The following FUBP3 variants were observed in gnomAD, a reference collection of about 807,000 sequenced individuals.
FUBP3 encodes far upstream element-binding protein 3.
FUBP3 carries 28 observed loss-of-function variants against 85.6 expected under a neutral mutation model. The observed-to-expected ratio is 0.33, with a 90% CI of 0.24 to 0.45. FUBP3 has a LOEUF of 0.45. Ranked by LOEUF, FUBP3 falls within the 20% of genes least tolerant of loss-of-function variation. The pLI is 1.00. For missense variants in FUBP3, 583 were observed against 755.1 expected (o/e 0.77, Z 2.67); for synonymous variants, 271 against 271.4 (o/e 1.00, Z 0.01).
intron 11 of FUBP3, among the ~76,000 whole-genome samples, chr9:130,624,563 G>A (rs951576234): frequency 5.5e-4 from 83 of 151,888 alleles, no homozygotes; most frequent in African/African-American, 2.0e-3. Context: ...AGCATTGAAT[G>A]CAGCCCAACA....
intron 2 of FUBP3, among the ~76,000 whole-genome samples, chr9:130,607,325 CT>C (rs1361362290): frequency 6.6e-6 from 1 of 150,914 alleles, no homozygotes; most frequent in Admixed American, 6.6e-5. Flanking sequence ...CAGAGTATTA[CT>C]CTTCAGAAAG....
At position 130,616,310 on chromosome 9, in the gene FUBP3, C is replaced by G; in HGVS notation, c.405-45C>G. The G allele has an allele frequency of 1.9e-6, 3 of 1,595,364 alleles. No homozygotes were observed. The highest frequency in any genetic ancestry group is 2.6e-6 in the Non-Finnish European group (3 of 1,163,974). On this transcript the variant is annotated intron_variant, in intron 6 of 18. Coordinates refer to ENST00000319725, the MANE Select transcript of FUBP3 (RefSeq NM_003934.2). The surrounding 1 kb of genome is among the most constrained non-coding windows in gnomAD (Gnocchi z 4.7). ...TTTCCCTGTCTTGCACACTTAGAGC[C>G]TCCATTTAATGCTGGTTCTCTTGTG...
chr9:130,589,693 ATATATATATATATTTTTTTT>A (rs1564190873), intron 1 of FUBP3, among the ~76,000 whole-genome samples: 4 of 29,830 alleles, frequency 1.3e-4, no homozygotes, highest in Admixed American at 4.8e-4. Context: ...ATATATATAT[ATATATATATATATTTTTTTT>A]TTTTTTTTTT....
chr9:130,604,846 C>T (rs932212780), intron 2 of FUBP3, among the ~76,000 whole-genome samples: 16 of 150,780 alleles, frequency 1.1e-4, no homozygotes, highest in Non-Finnish European at 2.1e-4. Context: ...TGCAGTGAGC[C>T]GAGATCGTGC....
chr9:130,633,998 G>T (rs1335903168), intron 16 of FUBP3, among the ~76,000 whole-genome samples: 1 of 152,094 alleles, frequency 6.6e-6, no homozygotes, highest in Non-Finnish European at 1.5e-5. Context: ...GAGAGGTCCT[G>T]ACCCGCCACT....
At position 130,623,651 on chromosome 9, in the gene FUBP3, C is replaced by A; in HGVS notation, c.915C>A (p.Gly305=). Residue 305 remains glycine, a synonymous_variant, in exon 11 of 19, where the codon GGC becomes GGA. Coordinates refer to ENST00000319725, the MANE Select transcript of FUBP3 (RefSeq NM_003934.2). ...CAGAAAGAGCTGCCCAGGTCATGGGCCCTCCGGATCGGTGTCAGCATGCAG... is the reference window on the plus strand; with the variant it reads ...CAGAAAGAGCTGCCCAGGTCATGGGACCTCCGGATCGGTGTCAGCATGCAG... ...ISPERAAQVM[G]PPDRCQHAAH... is the part of the protein sequence containing the mutation. 6.2e-7 allele frequency: 1 copy of A among 1,613,874 alleles called. No homozygotes were observed. Among genetic ancestry groups the A allele is most frequent in the Non-Finnish European group, 8.5e-7 (1 of 1,179,842 alleles).
Position 130,623,061 on chromosome 9 carries a change from A to G in FUBP3, c.874+251A>G, listed in dbSNP as rs556701035. Among the ~76,000 whole-genome samples, 6 of 152,088 alleles carry G rather than the reference A, an allele frequency of 3.9e-5. No homozygotes were observed. The South Asian group carries it at 6.2e-4, about 16-fold the overall frequency. ...CTTTTTTCTTTTTTCTTCCTGGAGTATATGCATAGTATGTCATAAATGCAT... is the reference window on the plus strand; with the variant it reads ...CTTTTTTCTTTTTTCTTCCTGGAGTGTATGCATAGTATGTCATAAATGCAT... On this transcript the variant is annotated intron_variant, in intron 10 of 18. Coordinates refer to ENST00000319725, the MANE Select transcript of FUBP3 (RefSeq NM_003934.2).
intron 9 of FUBP3, 64 bp downstream of exon 9, chr9:130,620,522 T>C (rs1187710415): frequency 1.3e-6 from 1 of 776,896 alleles, no homozygotes; most frequent in Non-Finnish European, 2.1e-6. Flanking sequence ...GTCACACTTT[T>C]GTTAGCTCTT....
chr9:130,625,259 G>A (rs1829924117), intron 11 of FUBP3, among the ~76,000 whole-genome samples: 1 of 152,234 alleles, frequency 6.6e-6, no homozygotes, highest in Non-Finnish European at 1.5e-5. Flanking sequence ...ATGTTTGGGA[G>A]AAAACCTTTT....
chr9:130,599,377 G>A (rs76644522), intron 2 of FUBP3, among the ~76,000 whole-genome samples: 3 of 123,094 alleles, frequency 2.4e-5, no homozygotes, highest in Non-Finnish European at 5.4e-5. Context: ...GTGTGTGTGT[G>A]TGTGTGTATA....
chr9:130,631,574 A>T lies in FUBP3; in HGVS notation c.1296A>T (p.Ala432=). Reference sequence around the variant, plus strand: ...CCCCACAGGGGACCAATCTCGGAGCACCTGGAGCCTTCGGACAGAGTCCAT... The same window carrying T: ...CCCCACAGGGGACCAATCTCGGAGCTCCTGGAGCCTTCGGACAGAGTCCAT... ...DEKVGGTNLG[A]PGAFGQSPFS... Residue 432 remains alanine, a synonymous_variant, in exon 14 of 19, where the codon GCA becomes GCT. Transcript: ENST00000319725. 1 of 1,613,986 alleles carries T rather than the reference A, an allele frequency of 6.2e-7. No individual in the cohort carries two copies. The highest frequency in any genetic ancestry group is 8.5e-7 in the Non-Finnish European group (1 of 1,179,854).
intron 2 of FUBP3, 100 bp downstream of exon 2, chr9:130,595,688 C>T (rs1020067503): frequency 2.6e-6 from 2 of 759,250 alleles, no homozygotes; most frequent in Admixed American, 3.5e-5. Context: ...TGAAGTGTCA[C>T]TCTGTTGAGA....
At chr9:130,627,669 T>C (rs955883003) in intron 12 of FUBP3, among the ~76,000 whole-genome samples, 1 of 152,224 alleles carries the variant, frequency 6.6e-6, no homozygotes, top group African/African-American at 2.4e-5. Context: ...TTGGGGATAT[T>C]GCAGGCTGCA....
intron 2 of FUBP3, among the ~76,000 whole-genome samples, chr9:130,600,978 A>G (rs1391620918): frequency 1.3e-5 from 2 of 152,122 alleles, no homozygotes; most frequent in Non-Finnish European, 2.9e-5. Flanking sequence ...AGAACAAACA[A>G]AAATAAATTT....
In FUBP3 at chr9:130,637,328, T is replaced by G; in HGVS notation, c.*306T>G. On this transcript the variant is annotated 3_prime_UTR_variant, in exon 19 of 19. Coordinates refer to ENST00000319725, the MANE Select transcript of FUBP3 (RefSeq NM_003934.2). ...GAGCTGTGACATTTCAACATGATGG[T>G]TTTGGTTTGGTTTGGTTTTGTGTCC... The G allele has an allele frequency of 5.5e-6, 2 of 366,782 alleles. No individual in the cohort carries two copies. Among genetic ancestry groups the G allele is most frequent in the East Asian group, 4.9e-5 (1 of 20,206 alleles). The allele number at this position is 366,782 out of a possible 1,614,324, so 22.7% of individuals were successfully genotyped here. A position where few individuals can be genotyped will look rare whatever the true frequency, so the allele number is the denominator to read the frequency against.
At chr9:130,622,369 C>T (rs1009633919) in intron 9 of FUBP3, among the ~76,000 whole-genome samples, 4 of 148,130 alleles carry the variant, frequency 2.7e-5, no homozygotes, top group Middle Eastern at 3.8e-3. Context: ...CAGTGGCTCA[C>T]GCCTGTAATC....
chr9:130,606,784 C>A (rs1188627307), intron 2 of FUBP3, among the ~76,000 whole-genome samples: 2 of 151,672 alleles, frequency 1.3e-5, no homozygotes, highest in Non-Finnish European at 2.9e-5. Context: ...CACGCCTTTG[C>A]ACTCCAGCCT....
chr9:130,631,184 A>G, intron 13 of FUBP3: 1 of 1,164,706 alleles, frequency 8.6e-7, no homozygotes, highest in Non-Finnish European at 1.1e-6. Flanking sequence ...AAGGCAGATA[A>G]AGAAAGGGAG....
Position 130,631,605 on chromosome 9 carries a change from C to G in FUBP3, c.1327C>G (p.Gln443Glu). The G allele has an allele frequency of 1.2e-6, 2 of 1,613,856 alleles. No homozygotes were observed. Among genetic ancestry groups the G allele is most frequent in the South Asian group, 2.2e-5 (2 of 91,074 alleles). Reference sequence around the variant, plus strand: ...AGCCTTCGGACAGAGTCCATTCAGCCAGCCACCTGCCCCACCTCATCAAAA... The same window carrying G: ...AGCCTTCGGACAGAGTCCATTCAGCGAGCCACCTGCCCCACCTCATCAAAA... ...PGAFGQSPFS[Q>E]PPAPPHQNTF... is the part of the protein sequence containing the mutation. The change falls in exon 14 of 19, where the codon CAG becomes GAG. Residue 443 changes from glutamine to glutamate, a missense_variant. Transcript: ENST00000319725.
Sources: gnomAD v4.1 joint callset for allele counts (sites outside exome capture counted in the v4.1 genomes callset) on GRCh38, gnomAD v4.1.1 for gene constraint, Gnocchi (gnomAD v3.1) non-coding constraint, MANE v1.5 for transcripts, NCBI Gene and HGNC (gene_info 2026-07-23, HGNC 2026-07-21) for gene names.